The following ARHGAP39 variants were observed in gnomAD, a reference collection of about 807,000 sequenced individuals.
ARHGAP39 encodes the protein rho GTPase-activating protein 39.
Under a neutral mutation model 106.9 loss-of-function variants are expected in ARHGAP39, and 44 were observed. The ratio of observed to expected loss-of-function variants is 0.41; its 90% confidence interval spans 0.32 to 0.53. ARHGAP39 has a LOEUF of 0.53. ARHGAP39 is among the 20% of genes least tolerant of loss of function. The pLI is 0.21. For synonymous variants in ARHGAP39, 768 were observed against 693.2 expected (o/e 1.11, Z -1.69); for missense variants, 1,496 against 1,577.3 (o/e 0.95, Z 0.87).
rs1048454611 is a variant in ARHGAP39 at position 144,605,585 on chromosome 8, C to G, written c.30G>C (p.Arg10Ser). The stretch of plus-strand genomic sequence containing the variant: ...ACTCCGGCAGGTCGACATTATGGCT[C>G]CTGCACTCGTAGTCCTGCGTCTGGG... Reference protein sequence around the residue: MSQTQDYECRSHNVDLPESR... With the variant: MSQTQDYECSSHNVDLPESR... Residue 10 changes from arginine (R) to serine (S), a missense_variant, in exon 2 of 12, where the codon AGG becomes AGC. Coordinates refer to ENST00000377307, the MANE Select transcript of ARHGAP39 (RefSeq NM_025251.3). 1.2e-6 allele frequency: 2 copies of G among 1,613,728 alleles called. No individual in the cohort carries two copies. The highest frequency in any genetic ancestry group is 2.7e-5 in the African/African-American group (2 of 74,946).
intron 2 of ARHGAP39, among the ~76,000 whole-genome samples, chr8:144,602,776 G>A (rs1314899376): frequency 1.4e-5 from 2 of 145,152 alleles, no homozygotes; most frequent in Admixed American, 6.9e-5. Flanking sequence ...CTGTGTGTAT[G>A]TGCATGGAGG....
the ARHGAP39 span, among the ~76,000 whole-genome samples, chr8:144,695,887 T>A: frequency 1.3e-5 from 2 of 152,132 alleles, no homozygotes; most frequent in African/African-American, 4.8e-5. Flanking sequence ...CATTCTTGGA[T>A]GTGCTGGGAG....
intron 1 of ARHGAP39, among the ~76,000 whole-genome samples, chr8:144,643,355 G>T (rs1317127352): frequency 1.3e-5 from 2 of 152,152 alleles, no homozygotes; most frequent in African/African-American, 4.8e-5. Context: ...TTGGGAGGCC[G>T]AGTGGGAGGA....
chr8:144,642,357 G>A (rs569810979), intron 1 of ARHGAP39, among the ~76,000 whole-genome samples: 1 of 152,122 alleles, frequency 6.6e-6, no homozygotes, highest in East Asian at 1.9e-4. Flanking sequence ...CATGGTGGCG[G>A]GCGCCTGTAG....
At position 144,530,713 on chromosome 8, in the gene ARHGAP39, G is replaced by C. The variant is rs149589076; in HGVS notation, c.3139C>G (p.Arg1047Gly). ...GGGGAGGGAAGTACCTGCAGGAAGCGGATGAGGTAGCACAGCACCATGCGG... is the reference window on the plus strand; with the variant it reads ...GGGGAGGGAAGTACCTGCAGGAAGCCGATGAGGTAGCACAGCACCATGCGG... ...INRMVLCYLI[R>G]FLQVFVQPAN... Residue 1047 changes from arginine (R) to glycine (G), a missense_variant, in exon 11 of 12, where the codon CGC becomes GGC. By Grantham distance (125) the Arg-to-Gly change is moderately radical (BLOSUM62 -2). This residue lies in a region of ARHGAP39 where 470 missense variants were observed against 605.1 expected (regional missense o/e 0.78). Transcript: ENST00000377307. 1 of 1,602,558 alleles carries C rather than the reference G, an allele frequency of 6.2e-7. No individual in the cohort carries two copies. The highest frequency in any genetic ancestry group is 1.1e-5 in the South Asian group (1 of 90,172).
chr8:144,566,230 T>A (rs1818391084), intron 3 of ARHGAP39, among the ~76,000 whole-genome samples: 1 of 152,146 alleles, frequency 6.6e-6, no homozygotes, highest in South Asian at 2.1e-4. Context: ...CATAAACCCC[T>A]ATCTTAATCA....
At chr8:144,543,389 T>G (rs906072192) in intron 6 of ARHGAP39, among the ~76,000 whole-genome samples, 2 of 152,142 alleles carry the variant, frequency 1.3e-5, no homozygotes, top group Non-Finnish European at 2.9e-5. Context: ...CCACTGTGTA[T>G]GTAGAGGCCT....
In ARHGAP39 at chr8:144,648,655, C is replaced by T. The variant is rs117811868; in HGVS notation, c.-82+37031G>A. On this transcript the variant is annotated intron_variant, in intron 1 of 11. Coordinates refer to ENST00000377307, the MANE Select transcript of ARHGAP39 (RefSeq NM_025251.3). Reference sequence around the variant, plus strand: ...TGCTCAGCCAGTGCCACTGTAGAGACGAGGCAAATGCAGAGCCAGCTCAAC... The same window carrying T: ...TGCTCAGCCAGTGCCACTGTAGAGATGAGGCAAATGCAGAGCCAGCTCAAC... Among the ~76,000 whole-genome samples, 2,486 of 152,294 alleles carry T rather than the reference C, an allele frequency of 0.016. 209 individuals carry two copies. In the East Asian group the frequency reaches 0.25, roughly 15 times the overall value.
At chr8:144,573,765 C>T (rs1818668293) in intron 3 of ARHGAP39, among the ~76,000 whole-genome samples, 1 of 151,404 alleles carries the variant, frequency 6.6e-6, no homozygotes, top group Non-Finnish European at 1.5e-5. Flanking sequence ...AAGCAAGTCT[C>T]AAAAAAATAA....
chr8:144,636,417 A>G (rs1821174293), intron 1 of ARHGAP39, among the ~76,000 whole-genome samples: 1 of 152,138 alleles, frequency 6.6e-6, no homozygotes, highest in South Asian at 2.1e-4. Flanking sequence ...TAGGGGGAGG[A>G]GTACAGAAGG....
chr8:144,657,126 G>T (rs1821716745), intron 1 of ARHGAP39, among the ~76,000 whole-genome samples: 1 of 152,014 alleles, frequency 6.6e-6, no homozygotes, highest in Non-Finnish European at 1.5e-5. Context: ...TAGCATGGTG[G>T]CTCATGCCTG....
the ARHGAP39 span, among the ~76,000 whole-genome samples, chr8:144,693,916 C>T: frequency 6.6e-6 from 1 of 151,868 alleles, no homozygotes; most frequent in East Asian, 1.9e-4. Flanking sequence ...ACAAGTCAGG[C>T]AAAGGGGGGA....
intron 2 of ARHGAP39, among the ~76,000 whole-genome samples, chr8:144,583,494 T>G (rs1226677492): frequency 6.6e-6 from 1 of 152,108 alleles, no homozygotes; most frequent in Non-Finnish European, 1.5e-5. Flanking sequence ...TTCCCCACCG[T>G]AGCATCCTGT....
chr8:144,619,411 C>CATCTGAGAGCGT (rs1820725903), intron 1 of ARHGAP39, among the ~76,000 whole-genome samples: 1 of 147,932 alleles, frequency 6.8e-6, no homozygotes, highest in African/African-American at 2.5e-5. Flanking sequence ...CGTGTGCGCC[C>CATCTGAGAGCGT]GTGTGCGTGA....
rs1817587709 is a variant in ARHGAP39, at chr8:144,548,848, GC to G, written c.597-360del. On this transcript the variant is annotated intron_variant, in intron 4 of 11. Coordinates refer to ENST00000377307, the MANE Select transcript of ARHGAP39 (RefSeq NM_025251.3). This position sits in a 1 kb window ranked among gnomAD's most constrained non-coding sequence, Gnocchi z 7.4. ...CCTGAGCCGCCGGGCAGGCTCCTGG[GC>G]CCTGTGTTCCTGCTGAGCAGTGGCG... Among the ~76,000 whole-genome samples, 2 of 152,218 alleles carry G rather than the reference GC, an allele frequency of 1.3e-5. No homozygotes were observed. Among genetic ancestry groups the G allele is most frequent in the African/African-American group, 4.8e-5 (2 of 41,454 alleles).
At chr8:144,542,827 T>A (rs1211297304) in intron 6 of ARHGAP39, among the ~76,000 whole-genome samples, 1 of 151,758 alleles carries the variant, frequency 6.6e-6, no homozygotes, top group African/African-American at 2.4e-5. Context: ...TGGTCCCTGC[T>A]ACACGGGAGG....
intron 4 of ARHGAP39, among the ~76,000 whole-genome samples, chr8:144,552,709 A>G (rs1048140158): frequency 6.6e-6 from 1 of 152,092 alleles, no homozygotes; most frequent in African/African-American, 2.4e-5. Context: ...AGAGAACACC[A>G]GAAGCAATGT....
At chr8:144,693,133 C>T in the ARHGAP39 span, among the ~76,000 whole-genome samples, 6 of 143,220 alleles carry the variant, frequency 4.2e-5, no homozygotes, top group South Asian at 2.3e-4. Flanking sequence ...GGCACTGTCT[C>T]GGCTCACTGC....
intron 1 of ARHGAP39, among the ~76,000 whole-genome samples, chr8:144,664,494 G>A (rs1821910243): frequency 6.6e-6 from 1 of 152,178 alleles, no homozygotes; most frequent in South Asian, 2.1e-4. Flanking sequence ...GCCATCCAAT[G>A]TGTGGTAATG....
Sources: allele counts gnomAD v4.1 joint callset (sites outside exome capture counted in the v4.1 genomes callset), GRCh38; gene constraint gnomAD v4.1.1; regional missense constraint gnomAD v4.1.1; non-coding constraint Gnocchi (gnomAD v3.1); transcripts MANE v1.5; gene names NCBI Gene and HGNC (gene_info 2026-07-23, HGNC 2026-07-21).